The following CAB39 variants were observed in gnomAD, a reference collection of about 807,000 sequenced individuals.
CAB39 encodes calcium-binding protein 39.
CAB39 carries 8 observed loss-of-function variants against 40.0 expected under a neutral mutation model. The ratio of observed to expected loss-of-function variants is 0.20; its 90% confidence interval spans 0.12 to 0.36. The LOEUF is 0.36. Among genes scored for constraint, CAB39 ranks in the 10% least tolerant of loss-of-function variants. CAB39 has a pLI of 1.00. For missense variants in CAB39, 270 were observed against 401.1 expected, an observed-to-expected ratio of 0.67 and a Z score of 2.79; for synonymous variants, 156 against 141.6, an observed-to-expected ratio of 1.10 and a Z score of -0.72.
chr2:230,756,036 C>T (rs1029205865), intron 1 of CAB39, among the ~76,000 whole-genome samples: 1 of 152,026 alleles, frequency 6.6e-6, no homozygotes, highest in African/African-American at 2.4e-5. Context: ...AAGGCAGCGT[C>T]CCCCCCGGGA....
chr2:230,730,936 T>G (rs987364583), intron 1 of CAB39, among the ~76,000 whole-genome samples: 3 of 152,248 alleles, frequency 2.0e-5, no homozygotes, highest in Admixed American at 1.3e-4. Context: ...AAGCTCCTTT[T>G]ATGTTTCAAA....
intron 2 of CAB39, among the ~76,000 whole-genome samples, chr2:230,775,156 C>G (rs1179346746): frequency 1.3e-5 from 2 of 150,942 alleles, no homozygotes; most frequent in African/African-American, 2.4e-5. Context: ...TTTAAAGAAA[C>G]TCAAAAAAAA....
chr2:230,740,944 CTT>C (rs1311831421), intron 1 of CAB39, among the ~76,000 whole-genome samples: 1 of 152,168 alleles, frequency 6.6e-6, no homozygotes, highest in Non-Finnish European at 1.5e-5. Context: ...ACTATTAAAA[CTT>C]AACATAATTT....
intron 1 of CAB39, chr2:230,725,333 G>A: frequency 6.3e-7 from 1 of 1,580,052 alleles, no homozygotes; most frequent in Non-Finnish European, 8.7e-7. Flanking sequence ...ACCAATCCCA[G>A]CCAGGCTCCC....
intron 2 of CAB39, among the ~76,000 whole-genome samples, chr2:230,780,672 A>C (rs1695671290): frequency 6.6e-6 from 1 of 152,320 alleles, no homozygotes; most frequent in East Asian, 1.9e-4. Flanking sequence ...TACCCTTTTC[A>C]TTGCATCAGT....
At chr2:230,774,106 T>C (rs1046514109) in intron 2 of CAB39, among the ~76,000 whole-genome samples, 2 of 152,226 alleles carry the variant, frequency 1.3e-5, no homozygotes, top group Non-Finnish European at 2.9e-5. Flanking sequence ...TTACTAGGCT[T>C]ATTACTTTGA....
At chr2:230,730,028 T>C (rs1449753648) in intron 1 of CAB39, among the ~76,000 whole-genome samples, 2 of 152,200 alleles carry the variant, frequency 1.3e-5, no homozygotes, top group African/African-American at 2.4e-5. Flanking sequence ...AGTTGACTTA[T>C]GGAACACAGT....
chr2:230,728,577 T>C (rs145204416), intron 1 of CAB39, among the ~76,000 whole-genome samples: 4,950 of 152,248 alleles, frequency 0.033, 126 homozygotes, highest in Non-Finnish European at 0.052. Flanking sequence ...GCTGGGATTA[T>C]AGGCATGAGC....
chr2:230,748,857 T>A lies in CAB39; in HGVS notation c.-43-11102T>A, dbSNP rs1329786142. 3.1e-4 allele frequency among the ~76,000 whole-genome samples: 35 copies of A among 112,036 alleles called. 1 individual carries two copies. Among genetic ancestry groups the A allele is most frequent in the African/African-American group, 1.1e-3 (31 of 29,388 alleles). The allele number at this position is 112,036 out of a possible 152,430, so 73.5% of individuals were successfully genotyped here. A position where few individuals can be genotyped will look rare whatever the true frequency, so the allele number is the denominator to read the frequency against. On this transcript the variant is annotated intron_variant, in intron 1 of 8. Coordinates refer to ENST00000258418, the MANE Select transcript of CAB39 (RefSeq NM_016289.4). Reference sequence around the variant, plus strand: ...ATATATATATATATATATATATATATATATATATATAACAAAATGGTAATT... The same window carrying A: ...ATATATATATATATATATATATATAAATATATATATAACAAAATGGTAATT...
intron 2 of CAB39, among the ~76,000 whole-genome samples, chr2:230,790,281 C>A (rs978366103): frequency 6.6e-6 from 1 of 152,074 alleles, no homozygotes; most frequent in Non-Finnish European, 1.5e-5. Context: ...TTATCCTACT[C>A]ATTAGTCTTT....
intron 1 of CAB39, among the ~76,000 whole-genome samples, chr2:230,729,374 A>G (rs6711453): frequency 0.14 from 22,019 of 152,266 alleles, 2,345 homozygotes; most frequent in African/African-American, 0.31. Flanking sequence ...TAACTATTGG[A>G]AACTGGTGGA....
chr2:230,767,299 C>T (rs979726179), intron 2 of CAB39, among the ~76,000 whole-genome samples: 4 of 152,166 alleles, frequency 2.6e-5, no homozygotes, highest in Non-Finnish European at 5.9e-5. Flanking sequence ...TATTTTCTCA[C>T]TCCCCAAATC....
chr2:230,748,831 A>AATATATATATATATATATATATATAT (rs71052546), intron 1 of CAB39, among the ~76,000 whole-genome samples: 2 of 28,504 alleles, frequency 7.0e-5, no homozygotes, highest in Non-Finnish European at 1.3e-4. Context: ...AAAAAAAAAA[A>AATATATATATATATATATATATATAT]ATATATATAT....
intron 1 of CAB39, among the ~76,000 whole-genome samples, chr2:230,736,580 A>G (rs544404985): frequency 2.6e-4 from 39 of 152,328 alleles, no homozygotes; most frequent in African/African-American, 9.4e-4. Context: ...AGTTTATGAG[A>G]TAAAAAGAAA....
chr2:230,756,279 A>T (rs1000100281), intron 1 of CAB39, among the ~76,000 whole-genome samples: 1 of 152,240 alleles, frequency 6.6e-6, no homozygotes, highest in African/African-American at 2.4e-5. Context: ...TCTATGTGAT[A>T]TAGCCTATTG....
At chr2:230,737,207 A>T (rs1268476625) in intron 1 of CAB39, among the ~76,000 whole-genome samples, 3 of 152,184 alleles carry the variant, frequency 2.0e-5, no homozygotes, top group Non-Finnish European at 4.4e-5. Context: ...AAAACTGATA[A>T]GAGTGAGGTG....
In CAB39 at chr2:230,819,717, T is replaced by G. The variant is rs1050754808; in HGVS notation, c.*1013T>G. The G allele has an allele frequency of 3.9e-5, 6 of 152,248 alleles. No individual in the cohort carries two copies. Among genetic ancestry groups the G allele is most frequent in the Admixed American group, 3.9e-4 (6 of 15,292 alleles). The allele number at this position is 152,248 out of a possible 1,614,324, so 9.4% of individuals were successfully genotyped here. On this transcript the variant is annotated 3_prime_UTR_variant, in exon 9 of 9. Transcript: ENST00000258418. ...TATTCAGTTACCTAATGGGGTGCCA[T>G]CAATAAGCTGCGATACAGCCCTGGA... is the stretch of plus-strand genomic sequence containing the variant.
Position 230,819,395 on chromosome 2 carries a change from T to C in CAB39, c.*691T>C, listed in dbSNP as rs1353700817. On this transcript the variant is annotated 3_prime_UTR_variant, in exon 9 of 9. Transcript: ENST00000258418. ...GTTGAAGGGTATTTGTTAATTTTAC[T>C]TTTCAAAGATACTTTAAAACAGTAG... The C allele has an allele frequency of 6.5e-6, 1 of 152,688 alleles. No homozygotes were observed. Among genetic ancestry groups the C allele is most frequent in the Non-Finnish European group, 1.5e-5 (1 of 68,052 alleles). 9.5% of individuals were successfully genotyped at this position (152,688 alleles called of 1,614,324 possible). A position where few individuals can be genotyped will look rare whatever the true frequency, so the allele number is the denominator to read the frequency against.
chr2:230,815,343 G>C (rs545464508), intron 7 of CAB39, among the ~76,000 whole-genome samples: 1 of 152,156 alleles, frequency 6.6e-6, no homozygotes, highest in South Asian at 2.1e-4. Context: ...TTTCATCTTT[G>C]GGGGGTTGGA....
Sources: gnomAD v4.1 joint callset for allele counts (sites outside exome capture counted in the v4.1 genomes callset) on GRCh38, gnomAD v4.1.1 for gene constraint, MANE v1.5 for transcripts, NCBI Gene and HGNC (gene_info 2026-07-23, HGNC 2026-07-21) for gene names.